Variants in CNTNAP2 observed in about 807,000 individuals in gnomAD.
CNTNAP2 encodes the protein contactin associated protein 2, also known as contactin-associated protein-like 2.
CNTNAP2 carries 98 observed loss-of-function variants against 155.2 expected under a neutral mutation model. That is an observed-to-expected ratio of 0.63 (90% CI 0.54 to 0.75). CNTNAP2 has a LOEUF of 0.75. Ranked by LOEUF, CNTNAP2 falls within the 30% of genes least tolerant of loss-of-function variation. The probability of loss-of-function intolerance (pLI) is 0.00; values close to 1 mark genes in which losing one functional copy is unlikely to be tolerated. For missense variants in CNTNAP2, 1,727 were observed against 1,688.1 expected, an observed-to-expected ratio of 1.02 and a Z score of -0.40; for synonymous variants, 651 against 631.2, an observed-to-expected ratio of 1.03 and a Z score of -0.47.
At chr7:146,571,255 T>A (rs1231408054) in intron 1 of CNTNAP2, among the ~76,000 whole-genome samples, 1 of 152,042 alleles carries the variant, frequency 6.6e-6, no homozygotes, top group Non-Finnish European at 1.5e-5. Flanking sequence ...CAAACTGTAA[T>A]GGGAAGTATT....
At chr7:146,976,342 G>C (rs1384655259) in intron 3 of CNTNAP2, among the ~76,000 whole-genome samples, 1 of 152,110 alleles carries the variant, frequency 6.6e-6, no homozygotes, top group African/African-American at 2.4e-5. Context: ...GAGAGCCTCA[G>C]ATCCCACAGG....
chr7:147,094,890 T>C (rs1282404199), intron 4 of CNTNAP2, among the ~76,000 whole-genome samples: 3 of 152,180 alleles, frequency 2.0e-5, no homozygotes, highest in African/African-American at 7.2e-5. Flanking sequence ...TTGCAAGTTC[T>C]AATGTCTGAG....
intron 8 of CNTNAP2, among the ~76,000 whole-genome samples, chr7:147,211,866 A>C (rs747668684): frequency 6.6e-6 from 1 of 152,176 alleles, no homozygotes; most frequent in Admixed American, 6.5e-5. Context: ...AGTAAACACA[A>C]CCTACAAAAT....
chr7:147,630,071 T>C (rs1795057129), intron 12 of CNTNAP2, among the ~76,000 whole-genome samples: 1 of 149,330 alleles, frequency 6.7e-6, no homozygotes, highest in South Asian at 2.1e-4. Context: ...GATAGACCAT[T>C]AGCAAGAATA....
intron 8 of CNTNAP2, among the ~76,000 whole-genome samples, chr7:147,210,720 G>A (rs1004035874): frequency 6.6e-6 from 1 of 151,866 alleles, no homozygotes; most frequent in African/African-American, 2.4e-5. Context: ...TTTGAGGTAA[G>A]TTTTAGCACT....
intron 1 of CNTNAP2, among the ~76,000 whole-genome samples, chr7:146,688,005 G>A (rs78995103): frequency 0.018 from 2,774 of 152,190 alleles, 87 homozygotes; most frequent in African/African-American, 0.063. Flanking sequence ...AGGTGTAGGT[G>A]CAGAAACTTA....
chr7:147,308,733 T>C (rs1327885968), intron 9 of CNTNAP2, among the ~76,000 whole-genome samples: 1 of 152,206 alleles, frequency 6.6e-6, no homozygotes. Context: ...AACGGAACCA[T>C]GGACAGCTCC....
At chr7:148,372,978 C>T (rs1798917184) in intron 21 of CNTNAP2, among the ~76,000 whole-genome samples, 1 of 152,068 alleles carries the variant, frequency 6.6e-6, no homozygotes, top group South Asian at 2.1e-4. Flanking sequence ...GCTTTGGCCT[C>T]CACAGGGTGA....
intron 9 of CNTNAP2, among the ~76,000 whole-genome samples, chr7:147,321,434 T>C (rs1416571194): frequency 6.6e-6 from 1 of 151,222 alleles, no homozygotes; most frequent in Non-Finnish European, 1.5e-5. Context: ...TATTTTTTAT[T>C]TTTTTCATTT....
chr7:148,170,161 T>C (rs1238358991), intron 17 of CNTNAP2, among the ~76,000 whole-genome samples: 1 of 152,248 alleles, frequency 6.6e-6, no homozygotes, highest in Non-Finnish European at 1.5e-5. Flanking sequence ...AGTATGTTTA[T>C]AGTGACCACA....
At chr7:148,253,071 A>AGAT (rs1796397203) in intron 20 of CNTNAP2, among the ~76,000 whole-genome samples, 2 of 152,094 alleles carry the variant, frequency 1.3e-5, no homozygotes, top group African/African-American at 4.8e-5. Context: ...ATAGATAGAT[A>AGAT]GATATTGATT....
chr7:148,022,972 G>C (rs746024029), intron 15 of CNTNAP2, among the ~76,000 whole-genome samples: 1 of 152,100 alleles, frequency 6.6e-6, no homozygotes, highest in African/African-American at 2.4e-5. Flanking sequence ...TATCTCATCG[G>C]CAGTAATAGC....
rs867497250 is a variant in CNTNAP2 at position 146,370,289 on chromosome 7, A to T, written c.97+253316A>T. ...AAAAAAAAAAAAAAAAAAAAAAAAA[A>T]TTAGCCGGCGTGACAGCATGTGCCT... On this transcript the variant is annotated intron_variant, in intron 1 of 23. Coordinates refer to ENST00000361727, the MANE Select transcript of CNTNAP2 (RefSeq NM_014141.6). Among the ~76,000 whole-genome samples the T allele has an allele frequency of 2.6e-3, 363 of 139,452 alleles. 1 individual carries two copies. Among genetic ancestry groups the T allele is most frequent in the African/African-American group, 6.3e-3 (228 of 36,332 alleles). 91.5% of individuals were successfully genotyped at this position (139,452 alleles called of 152,430 possible).
At chr7:147,488,593 A>G (rs1798551857) in intron 11 of CNTNAP2, among the ~76,000 whole-genome samples, 1 of 152,206 alleles carries the variant, frequency 6.6e-6, no homozygotes, top group African/African-American at 2.4e-5. Context: ...GTTTAATATA[A>G]TAGAACATTT....
intron 13 of CNTNAP2, among the ~76,000 whole-genome samples, chr7:147,682,660 A>G (rs1056781282): frequency 6.6e-6 from 1 of 151,830 alleles, no homozygotes; most frequent in African/African-American, 2.4e-5. Flanking sequence ...GCTCACACAC[A>G]TCACACCCAA....
Position 147,671,352 on chromosome 7 carries a change from G to A in CNTNAP2, c.2098+32046G>A, listed in dbSNP as rs61584584. ...CAATAACAAAGTGTAGAGGAGGACC[G>A]GACACAGGCTGAACTGAGCTTCTTG... On this transcript the variant is annotated intron_variant, in intron 13 of 23. Coordinates refer to ENST00000361727, the MANE Select transcript of CNTNAP2 (RefSeq NM_014141.6). 6.9e-3 allele frequency among the ~76,000 whole-genome samples: 1,045 copies of A among 152,266 alleles called. 11 individuals carry two copies. Among genetic ancestry groups the A allele is most frequent in the African/African-American group, 0.024 (997 of 41,550 alleles).
intron 10 of CNTNAP2, among the ~76,000 whole-genome samples, chr7:147,408,514 A>G (rs1431808661): frequency 6.6e-6 from 1 of 152,218 alleles, no homozygotes; most frequent in African/African-American, 2.4e-5. Flanking sequence ...TAATCCCGGC[A>G]CTTTGGGAGG....
chr7:148,084,470 T>C (rs961961227), intron 15 of CNTNAP2, among the ~76,000 whole-genome samples: 2 of 152,222 alleles, frequency 1.3e-5, no homozygotes, highest in Admixed American at 1.3e-4. Flanking sequence ...TTTAGACTCT[T>C]GTGGCTCTCA....
chr7:147,016,594 T>C lies in CNTNAP2; in HGVS notation c.403-27313T>C, dbSNP rs1057059597. Among the ~76,000 whole-genome samples, 4 of 152,236 alleles carry C rather than the reference T, an allele frequency of 2.6e-5. No homozygotes were observed. The East Asian group carries it at 7.7e-4, about 29-fold the overall frequency. Reference sequence around the variant, plus strand: ...AGGCATATTGACAGATGGTTTCATCTGAACAAACTGATTTTCTTGATTTGC... The same window carrying C: ...AGGCATATTGACAGATGGTTTCATCCGAACAAACTGATTTTCTTGATTTGC... On this transcript the variant is annotated intron_variant, in intron 3 of 23. Coordinates refer to ENST00000361727, the MANE Select transcript of CNTNAP2 (RefSeq NM_014141.6).
Sources: gnomAD v4.1 joint callset for allele counts (sites outside exome capture counted in the v4.1 genomes callset) on GRCh38, gnomAD v4.1.1 for gene constraint, MANE v1.5 for transcripts, NCBI Gene and HGNC (gene_info 2026-07-23, HGNC 2026-07-21) for gene names.